Variants in CEP55 observed in about 807,000 individuals in gnomAD.
CEP55 encodes centrosomal protein of 55 kDa.
Under a neutral mutation model 63.2 loss-of-function variants are expected in CEP55, and 57 were observed. That is an observed-to-expected ratio of 0.90 (90% confidence interval 0.73 to 1.13). The LOEUF is 1.13. Ranked by LOEUF, CEP55 falls within the 50% of genes most tolerant of loss-of-function variation. The pLI is 0.00. For synonymous variants in CEP55, 178 were observed against 191.6 expected (o/e 0.93, Z 0.59); for missense variants, 456 against 518.9 (o/e 0.88, Z 1.18).
At chr10:93,527,598 G>A (rs1277041273) in intron 8 of CEP55, among the ~76,000 whole-genome samples, 1 of 152,132 alleles carries the variant, frequency 6.6e-6, no homozygotes, top group Non-Finnish European at 1.5e-5. Context: ...GGGTGCAGTG[G>A]TTCATGCCTG....
In CEP55 at chr10:93,503,281, T is replaced by C. The variant is rs1306584152; in HGVS notation, c.352T>C (p.Leu118=). 2 of 1,614,174 alleles carry C rather than the reference T, an allele frequency of 1.2e-6. No homozygotes were observed. Among genetic ancestry groups the C allele is most frequent in the East Asian group, 2.2e-5 (1 of 44,880 alleles). Residue 118 remains leucine (L), a synonymous_variant, in exon 3 of 9, where the codon TTG becomes CTG. Transcript: ENST00000371485. The part of the protein sequence containing the change: ...TREGERREQV[L]KALSEEKDVL... The stretch of plus-strand genomic sequence containing the variant: ...AGAAGGAGAAAGGAGGGAGCAGGTG[T>C]TGAAAGCCTTATCTGAAGAGAAAGA...
intron 1 of CEP55, among the ~76,000 whole-genome samples, chr10:93,499,673 C>T (rs938714891): frequency 2.0e-5 from 3 of 152,024 alleles, no homozygotes; most frequent in Non-Finnish European, 4.4e-5. Context: ...AGGCACCTGC[C>T]ACCACGCCTG....
Position 93,519,676 on chromosome 10 carries a change from T to A in CEP55, c.1066-6T>A. The A allele has an allele frequency of 6.2e-7, 1 of 1,614,084 alleles. No homozygotes were observed. Among genetic ancestry groups the A allele is most frequent in the Non-Finnish European group, 8.5e-7 (1 of 1,180,008 alleles). ...CTGTAATGGTCTTGTTCTGGGCCTTTTCCAGATGCAGGCATGTACTTTAGA... is the reference window on the plus strand; with the variant it reads ...CTGTAATGGTCTTGTTCTGGGCCTTATCCAGATGCAGGCATGTACTTTAGA... On this transcript the variant is annotated splice_polypyrimidine_tract_variant and splice_region_variant and intron_variant, in intron 7 of 8. Coordinates refer to ENST00000371485, the MANE Select transcript of CEP55 (RefSeq NM_018131.5).
At chr10:93,515,642 A>G in intron 5 of CEP55, 87 bp downstream of exon 5, 1 of 1,329,416 alleles carries the variant, frequency 7.5e-7, no homozygotes, top group Non-Finnish European at 1.0e-6. Flanking sequence ...TTTTATAGAT[A>G]TGTGTTAGAA....
chr10:93,498,774 C>G (rs1430459905), intron 1 of CEP55, among the ~76,000 whole-genome samples: 2 of 150,010 alleles, frequency 1.3e-5, no homozygotes, highest in Non-Finnish European at 3.0e-5. Flanking sequence ...CCTGCCTTTA[C>G]TACACTGAAA....
chr10:93,527,083 TA>T (rs67405914), intron 8 of CEP55, among the ~76,000 whole-genome samples: 14,760 of 150,574 alleles, frequency 0.098, 2,235 homozygotes, highest in African/African-American at 0.33. Context: ...AAAGTATAAT[TA>T]AAAAAAAAAA....
At position 93,520,980 on chromosome 10, in the gene CEP55, G is replaced by A. The variant is rs376409113; in HGVS notation, c.1191+1173G>A. On this transcript the variant is annotated intron_variant, in intron 8 of 8. Coordinates refer to ENST00000371485, the MANE Select transcript of CEP55 (RefSeq NM_018131.5). The stretch of plus-strand genomic sequence containing the variant: ...AAAGAATTTGTAATTTTGTGGGGGC[G>A]GTTCCAAGATGGCTGAATAGGAACA... Among the ~76,000 whole-genome samples, 11 of 152,232 alleles carry A rather than the reference G, an allele frequency of 7.2e-5. No homozygotes were observed. The East Asian group carries it at 1.3e-3, about 19-fold the overall frequency.
At chr10:93,526,611 G>A (rs2057925131) in intron 8 of CEP55, among the ~76,000 whole-genome samples, 1 of 152,160 alleles carries the variant, frequency 6.6e-6, no homozygotes, top group African/African-American at 2.4e-5. Context: ...TATAAATCAT[G>A]CTGCTATAAA....
chr10:93,507,182 C>T, intron 4 of CEP55, 126 bp downstream of exon 4: 2 of 581,734 alleles, frequency 3.4e-6, no homozygotes, highest in Non-Finnish European at 6.1e-6. Flanking sequence ...TCATTTAAGT[C>T]TCTTTCTATA....
intron 7 of CEP55, 62 bp downstream of exon 7, chr10:93,519,010 T>C: frequency 8.1e-7 from 1 of 1,231,160 alleles, no homozygotes; most frequent in Non-Finnish European, 1.2e-6. Context: ...TTTTTCCTCA[T>C]GTTTATGCTG....
At position 93,502,969 on chromosome 10, in the gene CEP55, G is replaced by A. The variant is rs59127561; in HGVS notation, c.184-144G>A. 4.0e-3 allele frequency: 2,810 copies of A among 706,978 alleles called. 64 individuals carry two copies. The African/African-American group carries it at 0.044, about 11-fold the overall frequency. 43.8% of individuals were successfully genotyped at this position (706,978 alleles called of 1,614,324 possible). A position where few individuals can be genotyped will look rare whatever the true frequency, so the allele number is the denominator to read the frequency against. On this transcript the variant is annotated intron_variant, in intron 2 of 8. Transcript: ENST00000371485. ...GTGAGCTATCTGAACATAAAACTTT[G>A]GCTTCCTAATCTTTTTTGGCCTTGG...
chr10:93,497,145 G>A (rs2057577757), intron 1 of CEP55, among the ~76,000 whole-genome samples: 1 of 152,186 alleles, frequency 6.6e-6, no homozygotes, highest in South Asian at 2.1e-4. Context: ...GATTGGCGTC[G>A]CCTTGTAGAA....
intron 1 of CEP55, among the ~76,000 whole-genome samples, chr10:93,497,655 A>G (rs977842140): frequency 3.3e-5 from 5 of 150,580 alleles, no homozygotes; most frequent in African/African-American, 9.7e-5. Flanking sequence ...CCTTGAAAAA[A>G]TAGTTGAACA....
chr10:93,528,136 G>A lies in CEP55; in HGVS notation c.1378G>A (p.Glu460Lys). ...GCATCGCGATCTGCTTGTCCATGTGGAATACTGTTCAAAGTAGCAAAATAA... is the reference window on the plus strand; with the variant it reads ...GCATCGCGATCTGCTTGTCCATGTGAAATACTGTTCAAAGTAGCAAAATAA... The part of the protein sequence containing the change: ...TEHRDLLVHV[E>K]YCSK The change falls in exon 9 of 9, where the codon GAA becomes AAA. Residue 460 changes from glutamate (E) to lysine (K), a missense_variant. By Grantham distance (56) the Glu-to-Lys change is moderately conservative (BLOSUM62 1). Transcript: ENST00000371485. The A allele has an allele frequency of 6.2e-7, 1 of 1,613,670 alleles. No individual in the cohort carries two copies. Among genetic ancestry groups the A allele is most frequent in the Non-Finnish European group, 8.5e-7 (1 of 1,179,702 alleles).
chr10:93,505,099 AC>A (rs1404959344), intron 3 of CEP55, among the ~76,000 whole-genome samples: 23 of 152,352 alleles, frequency 1.5e-4, no homozygotes, highest in African/African-American at 4.6e-4. Flanking sequence ...GGCATAAGCC[AC>A]CGTATCTGGC....
intron 4 of CEP55, chr10:93,510,693 T>C (rs910333697): frequency 2.2e-4 from 33 of 152,218 alleles, no homozygotes; most frequent in African/African-American, 7.5e-4. Flanking sequence ...CAATGTGTAT[T>C]TCTTAAGAAC....
intron 8 of CEP55, chr10:93,520,242 A>G (rs891768930): frequency 7.5e-5 from 13 of 173,074 alleles, no homozygotes; most frequent in Non-Finnish European, 1.5e-4. Context: ...CCTGACCAAC[A>G]TGGTGAAACC....
At chr10:93,497,185 A>G (rs551905117) in intron 1 of CEP55, among the ~76,000 whole-genome samples, 1 of 152,096 alleles carries the variant, frequency 6.6e-6, no homozygotes, top group Admixed American at 6.6e-5. Context: ...GCCTTGTACC[A>G]TTTACTGGAT....
At chr10:93,521,695 C>G (rs12242034) in intron 8 of CEP55, among the ~76,000 whole-genome samples, 3 of 152,128 alleles carry the variant, frequency 2.0e-5, no homozygotes, top group Admixed American at 1.3e-4. Context: ...AGGCACCCCC[C>G]AGTAGGGGCA....
Sources: allele counts gnomAD v4.1 joint callset (sites outside exome capture counted in the v4.1 genomes callset), GRCh38; gene constraint gnomAD v4.1.1; transcripts MANE v1.5; gene names NCBI Gene and HGNC (gene_info 2026-07-23, HGNC 2026-07-21).